POU6F2: variants seen among roughly 807,000 people sequenced by gnomAD.
The protein encoded by POU6F2 is POU class 6 homeobox 2.
Under a neutral mutation model 71.3 loss-of-function variants are expected in POU6F2, and 31 were observed. The observed-to-expected ratio is 0.43, with a 90% CI of 0.33 to 0.59. The LOEUF (loss-of-function observed/expected upper bound fraction) is 0.59. Among genes scored for constraint, POU6F2 ranks in the 20% least tolerant of loss-of-function variants. The pLI, the probability that POU6F2 is intolerant of heterozygous loss-of-function variation, is 0.04. For synonymous variants in POU6F2, 347 were observed against 355.7 expected, an observed-to-expected ratio of 0.98 and a Z score of 0.27; for missense variants, 783 against 856.8, an observed-to-expected ratio of 0.91 and a Z score of 1.07.
intron 1 of POU6F2, among the ~76,000 whole-genome samples, chr7:38,986,902 GA>G (rs1286408412): frequency 6.6e-6 from 1 of 151,994 alleles, no homozygotes; most frequent in Non-Finnish European, 1.5e-5. Flanking sequence ...AAAATATTTT[GA>G]ACCTCTTCTC....
intron 6 of POU6F2, among the ~76,000 whole-genome samples, chr7:39,420,257 G>T (rs1308544818): frequency 6.6e-6 from 1 of 152,154 alleles, no homozygotes; most frequent in Non-Finnish European, 1.5e-5. Flanking sequence ...AACTATTTAG[G>T]ATTTTTAATA....
At chr7:39,340,125 G>T (rs1441604548) in intron 5 of POU6F2, 110 bp downstream of exon 5, 9 of 1,378,962 alleles carry the variant, frequency 6.5e-6, no homozygotes, top group Non-Finnish European at 8.7e-6. Context: ...ATCCAGTTCT[G>T]CAGCATCTAA....
intron 2 of POU6F2, among the ~76,000 whole-genome samples, chr7:39,185,844 T>C (rs1447621556): frequency 3.7e-5 from 3 of 82,016 alleles, no homozygotes; most frequent in South Asian, 4.0e-4. Flanking sequence ...TATATGTATA[T>C]GTATATGTAT....
intron 2 of POU6F2, among the ~76,000 whole-genome samples, chr7:39,192,468 AG>A: frequency 6.6e-6 from 1 of 152,232 alleles, no homozygotes; most frequent in Non-Finnish European, 1.5e-5. Context: ...CAAATGGAAA[AG>A]TAAAGATATG....
intron 1 of POU6F2, among the ~76,000 whole-genome samples, chr7:39,039,536 C>A (rs573572589): frequency 6.6e-6 from 1 of 151,484 alleles, no homozygotes; most frequent in Admixed American, 6.6e-5. Context: ...TCCATAATTG[C>A]AAAAAGAAAA....
chr7:39,371,932 TC>T (rs1390507537), intron 5 of POU6F2, among the ~76,000 whole-genome samples: 1 of 152,192 alleles, frequency 6.6e-6, no homozygotes, highest in Non-Finnish European at 1.5e-5. Context: ...TTCTTCTTTT[TC>T]AAGACAGGAT....
At chr7:39,333,909 T>C (rs1447436448) in intron 4 of POU6F2, among the ~76,000 whole-genome samples, 2 of 152,126 alleles carry the variant, frequency 1.3e-5, no homozygotes, top group Admixed American at 1.3e-4. Context: ...GGTAGGTCTT[T>C]AGAATGCAGA....
At chr7:39,355,335 T>A (rs1786232205) in intron 5 of POU6F2, among the ~76,000 whole-genome samples, 1 of 152,212 alleles carries the variant, frequency 6.6e-6, no homozygotes, top group Non-Finnish European at 1.5e-5. Flanking sequence ...CAAATTTTTT[T>A]AAGGACACTT....
At chr7:39,096,138 C>G (rs1791450472) in intron 2 of POU6F2, among the ~76,000 whole-genome samples, 1 of 152,086 alleles carries the variant, frequency 6.6e-6, no homozygotes, top group Admixed American at 6.6e-5. Context: ...GAGCTCAGTC[C>G]TCTTAACATT....
Position 38,988,013 on chromosome 7 carries a change from C to T in POU6F2, c.105+9955C>T, listed in dbSNP as rs551548382. ...TGGCTTCTTTGCCTGGAGCTTAAAA[C>T]GGGCTTTTAAGAACAAATTGCAGAG... On this transcript the variant is annotated intron_variant, in intron 1 of 9. Transcript: ENST00000518318. 4.6e-5 allele frequency among the ~76,000 whole-genome samples: 7 copies of T among 152,164 alleles called. No homozygotes were observed. In the East Asian group the frequency reaches 5.8e-4, roughly 13 times the overall value.
Position 39,173,361 on chromosome 7 carries a change from TACTTA to T in POU6F2, c.278-30869_278-30865del, listed in dbSNP as rs547683128. ...GCTTATTAGCTAACCTCAGGCAAGT[TACTTA>T]ACTTTTCTATGCTTCAGTTTGTCTG... On this transcript the variant is annotated intron_variant, in intron 2 of 9. Coordinates refer to ENST00000518318, the MANE Select transcript of POU6F2 (RefSeq NM_001370959.1). 2.0e-5 allele frequency among the ~76,000 whole-genome samples: 3 copies of T among 152,224 alleles called. No homozygotes were observed. The East Asian group carries it at 5.8e-4, about 29-fold the overall frequency.
intron 1 of POU6F2, among the ~76,000 whole-genome samples, chr7:39,001,237 T>C (rs1435109003): frequency 6.6e-6 from 1 of 151,226 alleles, no homozygotes; most frequent in Non-Finnish European, 1.5e-5. Flanking sequence ...GAAAGATCAT[T>C]CTTTGACACA....
At chr7:39,461,400 G>A (rs749149199) in intron 9 of POU6F2, among the ~76,000 whole-genome samples, 101 of 152,252 alleles carry the variant, frequency 6.6e-4, no homozygotes, top group African/African-American at 1.9e-3. Context: ...AGCAGGCCCC[G>A]TGCATGCATG....
At chr7:39,234,456 G>A (rs946981233) in intron 4 of POU6F2, among the ~76,000 whole-genome samples, 1 of 152,100 alleles carries the variant, frequency 6.6e-6, no homozygotes, top group Non-Finnish European at 1.5e-5. Flanking sequence ...TTGACCTGCA[G>A]AAAGTTAATA....
intron 4 of POU6F2, among the ~76,000 whole-genome samples, chr7:39,270,400 A>G (rs1784319373): frequency 6.6e-6 from 1 of 152,242 alleles, no homozygotes; most frequent in Non-Finnish European, 1.5e-5. Flanking sequence ...TGCCATAGGA[A>G]GTATGTGATA....
chr7:38,992,213 C>T (rs1320680951), intron 1 of POU6F2, among the ~76,000 whole-genome samples: 5 of 152,278 alleles, frequency 3.3e-5, no homozygotes, highest in South Asian at 4.1e-4. Flanking sequence ...GTTTTGAAGC[C>T]TCAAGTTGCC....
rs147289342 is a variant in POU6F2 at position 39,090,885 on chromosome 7, T to C, written c.277+4854T>C. Among the ~76,000 whole-genome samples the C allele has an allele frequency of 6.8e-3, 1,036 of 152,268 alleles. 9 individuals carry two copies. The highest frequency in any genetic ancestry group is 0.011 in the Non-Finnish European group (777 of 68,026). ...GGAAGTAAGTGAGATGCATAAGGTATTTGTCAAAAATCAGTTATGGTTTAA... is the reference window on the plus strand; with the variant it reads ...GGAAGTAAGTGAGATGCATAAGGTACTTGTCAAAAATCAGTTATGGTTTAA... On this transcript the variant is annotated intron_variant, in intron 2 of 9. Coordinates refer to ENST00000518318, the MANE Select transcript of POU6F2 (RefSeq NM_001370959.1).
At chr7:39,440,316 C>T (rs1161346145) in intron 7 of POU6F2, among the ~76,000 whole-genome samples, 1 of 152,178 alleles carries the variant, frequency 6.6e-6, no homozygotes, top group African/African-American at 2.4e-5. Context: ...CATTCTGGTA[C>T]TCCAGTCAAT....
chr7:39,058,629 A>G (rs562215439), intron 1 of POU6F2, among the ~76,000 whole-genome samples: 1 of 152,348 alleles, frequency 6.6e-6, no homozygotes, highest in Admixed American at 6.5e-5. Context: ...TGAAGAATCT[A>G]TCACCATGGA....
Sources: allele counts gnomAD v4.1 joint callset (sites outside exome capture counted in the v4.1 genomes callset), GRCh38; gene constraint gnomAD v4.1.1; transcripts MANE v1.5; gene names NCBI Gene and HGNC (gene_info 2026-07-23, HGNC 2026-07-21).